The following KLF8 variants were observed in gnomAD, a reference collection of about 807,000 sequenced individuals.
The protein encoded by KLF8 is KLF transcription factor 8, also known as Krueppel-like factor 8.
Under a neutral mutation model 18.2 loss-of-function variants are expected in KLF8, and 10 were observed. That is an observed-to-expected ratio of 0.55 (90% CI 0.34 to 0.93). The LOEUF (loss-of-function observed/expected upper bound fraction) is 0.93, where lower values mean the gene tolerates loss of function less well. Among genes scored for constraint, KLF8 ranks in the 40% least tolerant of loss-of-function variants. The probability of loss-of-function intolerance (pLI) is 0.02; values close to 1 mark genes in which losing one functional copy is unlikely to be tolerated. For missense variants in KLF8, 264 were observed against 277.9 expected (o/e 0.95, Z 0.36); for synonymous variants, 109 against 97.3 (o/e 1.12, Z -0.71).
At chrX:56,008,243 G>A in the KLF8 span, among the ~76,000 whole-genome samples, 1 of 108,834 alleles carries the variant, frequency 9.2e-6, no homozygotes, top group Non-Finnish European at 1.9e-5. Context: ...TGGCCAAGAT[G>A]GCCCTCTAGA....
chrX:56,106,304 A>G, the KLF8 span, among the ~76,000 whole-genome samples: 1 of 111,934 alleles, frequency 8.9e-6, no homozygotes, highest in Non-Finnish European at 1.9e-5. Context: ...AATATTCTGA[A>G]GAGTGTTTTC....
the KLF8 span, among the ~76,000 whole-genome samples, chrX:56,109,675 T>C: frequency 8.9e-6 from 1 of 112,173 alleles, no homozygotes; most frequent in Non-Finnish European, 1.9e-5. Context: ...GCTTTGTGCA[T>C]GCATGTTTAT....
At chrX:56,217,195 T>TATC in the KLF8 span, among the ~76,000 whole-genome samples, 1 of 111,335 alleles carries the variant, frequency 9.0e-6, no homozygotes, top group African/African-American at 3.3e-5. Context: ...ATTGACTTCC[T>TATC]ATCTTGGAGG....
chrX:56,052,351 T>C, the KLF8 span, among the ~76,000 whole-genome samples: 1 of 112,150 alleles, frequency 8.9e-6, no homozygotes, highest in African/African-American at 3.2e-5. Flanking sequence ...TGCTCTGCTT[T>C]TTAGAGTTTC....
the KLF8 span, among the ~76,000 whole-genome samples, chrX:56,168,490 T>TA: frequency 8.8e-4 from 99 of 112,417 alleles, no homozygotes; most frequent in African/African-American, 2.8e-3. Context: ...CACATAAACA[T>TA]AAAAAAATAG....
At chrX:55,945,256 C>A in the KLF8 span, among the ~76,000 whole-genome samples, 57,768 of 108,992 alleles carry the variant, frequency 0.53, 13,558 homozygotes, top group East Asian at 0.76. Context: ...TCCAACTATG[C>A]GGTCAATTTT....
At chrX:56,194,186 G>A in the KLF8 span, among the ~76,000 whole-genome samples, 4 of 111,096 alleles carry the variant, frequency 3.6e-5, no homozygotes, top group Non-Finnish European at 5.7e-5. Flanking sequence ...TCCAACTGAG[G>A]TACCTGGTTC....
the KLF8 span, among the ~76,000 whole-genome samples, chrX:56,158,423 G>A: frequency 8.9e-6 from 1 of 111,960 alleles, no homozygotes; most frequent in African/African-American, 3.2e-5. Flanking sequence ...CCAATTCTGT[G>A]AAGAAAGTCC....
At chrX:56,231,954 C>T (rs2066406246), upstream of KLF8, among the ~76,000 whole-genome samples, 1 of 110,935 alleles carries the variant, frequency 9.0e-6, no homozygotes, top group African/African-American at 3.3e-5. Flanking sequence ...CTCCAATCTC[C>T]GTTCCTTTTA....
chrX:56,114,593 A>G, the KLF8 span, among the ~76,000 whole-genome samples: 2 of 112,735 alleles, frequency 1.8e-5, no homozygotes, highest in African/African-American at 6.4e-5. Context: ...AAGTGGAATG[A>G]CCGTCCTCAT....
rs1252625907 is a variant in KLF8 at position 56,285,017 on chromosome X, G to C, written c.*523G>C. 2 of 112,031 alleles carry C rather than the reference G, an allele frequency of 1.8e-5. No homozygotes were observed. Among genetic ancestry groups the C allele is most frequent in the Non-Finnish European group, 3.7e-5 (2 of 53,370 alleles). 9.2% of individuals were successfully genotyped at this position (112,031 alleles called of 1,213,427 possible). Reference sequence around the variant, plus strand: ...TTACAGGGATTTGGTTTCTGAGTTTGAGGCACATTCCCAGTGAATAAGCTG... The same window carrying C: ...TTACAGGGATTTGGTTTCTGAGTTTCAGGCACATTCCCAGTGAATAAGCTG... On this transcript the variant is annotated 3_prime_UTR_variant, in exon 6 of 6. Coordinates refer to ENST00000468660, the MANE Select transcript of KLF8 (RefSeq NM_007250.5).
the KLF8 span, chrX:55,961,619 C>T: frequency 1.2e-4 from 54 of 432,027 alleles, no homozygotes; most frequent in Non-Finnish European, 2.0e-4. Flanking sequence ...GCGACCTTAA[C>T]GATCAGAGCC....
chrX:56,084,549 G>A, the KLF8 span, among the ~76,000 whole-genome samples: 1 of 111,718 alleles, frequency 9.0e-6, no homozygotes, highest in Non-Finnish European at 1.9e-5. Flanking sequence ...AATTTTAAGA[G>A]GCAGAACTCA....
At chrX:56,186,949 C>A in the KLF8 span, among the ~76,000 whole-genome samples, 1 of 111,721 alleles carries the variant, frequency 9.0e-6, no homozygotes, top group South Asian at 3.7e-4. Flanking sequence ...GACACCCGAA[C>A]ATCACAATTA....
At chrX:55,984,349 A>G in the KLF8 span, among the ~76,000 whole-genome samples, 1 of 111,273 alleles carries the variant, frequency 9.0e-6, no homozygotes, top group Non-Finnish European at 1.9e-5. Flanking sequence ...ATAAGTGAGA[A>G]CATATGGTAT....
In KLF8 at chrX:56,285,455, G is replaced by A. The variant is rs2067258171; in HGVS notation, c.*961G>A. On this transcript the variant is annotated 3_prime_UTR_variant, in exon 6 of 6. Coordinates refer to ENST00000468660, the MANE Select transcript of KLF8 (RefSeq NM_007250.5). ...AGGCTGTCGAGACAGTGTCTTGAGG[G>A]GCTGGCTGTACTGTTTATTTTTTCG... The A allele has an allele frequency of 9.0e-6, 1 of 111,237 alleles. No homozygotes were observed. The highest frequency in any genetic ancestry group is 3.8e-4 in the South Asian group (1 of 2,616). The allele number at this position is 111,237 out of a possible 1,213,427, so 9.2% of individuals were successfully genotyped here. A position where few individuals can be genotyped will look rare whatever the true frequency, so the allele number is the denominator to read the frequency against.
chrX:56,077,736 G>A, the KLF8 span, among the ~76,000 whole-genome samples: 1 of 111,604 alleles, frequency 9.0e-6, no homozygotes, highest in Non-Finnish European at 1.9e-5. Context: ...CTTGGGCAGT[G>A]TGGCCATTTT....
the KLF8 span, among the ~76,000 whole-genome samples, chrX:56,070,801 A>G: frequency 8.9e-6 from 1 of 112,700 alleles, no homozygotes; most frequent in Non-Finnish European, 1.9e-5. Context: ...AAAAAAGAAC[A>G]TGTGGTGGTT....
intron 1 of KLF8, among the ~76,000 whole-genome samples, chrX:56,242,043 G>T (rs186068021): frequency 8.9e-6 from 1 of 112,291 alleles, no homozygotes; most frequent in East Asian, 2.8e-4. Context: ...GAACTAAAAT[G>T]CAGGCCTGGA....
Sources: gnomAD v4.1 joint callset for allele counts (sites outside exome capture counted in the v4.1 genomes callset) on GRCh38, gnomAD v4.1.1 for gene constraint, MANE v1.5 for transcripts, NCBI Gene and HGNC (gene_info 2026-07-23, HGNC 2026-07-21) for gene names.